Variants in NAV2 observed in about 807,000 individuals in gnomAD.
The protein encoded by NAV2 is helicase, APC down-regulated 1.
In NAV2, 54 loss-of-function variants were observed where a neutral mutation model predicts 223.2. That is an observed-to-expected ratio of 0.24 (90% CI 0.19 to 0.30). The LOEUF is 0.30. NAV2 is among the 10% of genes least tolerant of loss of function. The pLI, the probability that NAV2 is intolerant of heterozygous loss-of-function variation, is 1.00. For missense variants in NAV2, 2,806 were observed against 3,147.5 expected, an observed-to-expected ratio of 0.89 and a Z score of 2.60; for synonymous variants, 1,279 against 1,239.3, an observed-to-expected ratio of 1.03 and a Z score of -0.67.
intron 1 of NAV2, among the ~76,000 whole-genome samples, chr11:19,830,900 A>G (rs923994518): frequency 2.6e-5 from 4 of 152,064 alleles, no homozygotes; most frequent in Non-Finnish European, 5.9e-5. Context: ...GCTTTACTGG[A>G]TCGTTGGTCT....
intron 4 of NAV2, among the ~76,000 whole-genome samples, chr11:19,873,937 CCA>C (rs1192585480): frequency 6.6e-6 from 1 of 152,126 alleles, no homozygotes; most frequent in African/African-American, 2.4e-5. Context: ...GCTGCAGAAT[CCA>C]CAGTCCTTAA....
At chr11:19,956,821 GCCTTACTGTCT>G (rs995170269) in intron 10 of NAV2, among the ~76,000 whole-genome samples, 5 of 151,950 alleles carry the variant, frequency 3.3e-5, no homozygotes, top group African/African-American at 1.2e-4. Flanking sequence ...CTCCATCCCC[GCCTTACTGTCT>G]CCTTACTGTC....
intron 1 of NAV2, among the ~76,000 whole-genome samples, chr11:19,357,628 C>T (rs951697484): frequency 1.3e-5 from 2 of 152,298 alleles, no homozygotes; most frequent in East Asian, 1.9e-4. Context: ...GCTGCTGCTA[C>T]TGCATTTGAG....
chr11:19,577,757 TGAG>T (rs2045609595), intron 1 of NAV2, among the ~76,000 whole-genome samples: 1 of 152,056 alleles, frequency 6.6e-6, no homozygotes, highest in Non-Finnish European at 1.5e-5. Context: ...AGGGAAGAAT[TGAG>T]GAGCCATGGA....
intron 1 of NAV2, among the ~76,000 whole-genome samples, chr11:19,680,094 G>A (rs1018467093): frequency 5.9e-5 from 9 of 152,212 alleles, no homozygotes; most frequent in African/African-American, 1.7e-4. Flanking sequence ...GATTGGAAAA[G>A]AGGAGGGCTC....
chr11:19,980,189 G>A (rs557259068), intron 10 of NAV2, among the ~76,000 whole-genome samples: 7 of 152,198 alleles, frequency 4.6e-5, no homozygotes, highest in African/African-American at 9.6e-5. Context: ...CCCTTTAGCA[G>A]AGGCTCTGAC....
chr11:19,996,913 G>A (rs1435675599), intron 11 of NAV2, among the ~76,000 whole-genome samples: 11 of 152,158 alleles, frequency 7.2e-5, no homozygotes, highest in Admixed American at 6.5e-4. Context: ...GAAATGAGGT[G>A]GCTGCATGGC....
chr11:19,760,620 C>T (rs1462074481), intron 1 of NAV2, among the ~76,000 whole-genome samples: 2 of 152,128 alleles, frequency 1.3e-5, no homozygotes, highest in Admixed American at 1.3e-4. Flanking sequence ...AATGGAGTCC[C>T]TATCTTCATG....
At chr11:19,653,757 A>G (rs1590041394) in intron 1 of NAV2, among the ~76,000 whole-genome samples, 1 of 152,316 alleles carries the variant, frequency 6.6e-6, no homozygotes, top group African/African-American at 2.4e-5. Context: ...TGCTATACCC[A>G]TTTTGCAGAC....
At chr11:19,492,665 A>G (rs553065272) in intron 1 of NAV2, among the ~76,000 whole-genome samples, 1 of 152,304 alleles carries the variant, frequency 6.6e-6, no homozygotes, top group African/African-American at 2.4e-5. Flanking sequence ...TGCTATTTTG[A>G]CTTCCTCTGT....
At chr11:19,757,527 C>G (rs2152524554) in intron 1 of NAV2, among the ~76,000 whole-genome samples, 1 of 152,290 alleles carries the variant, frequency 6.6e-6, no homozygotes, top group Middle Eastern at 3.4e-3. Context: ...GTTGCTTGAC[C>G]TCTCTGAACA....
At chr11:19,706,418 C>T (rs1327881433) in intron 1 of NAV2, among the ~76,000 whole-genome samples, 2 of 152,192 alleles carry the variant, frequency 1.3e-5, no homozygotes, top group African/African-American at 4.8e-5. Context: ...AATTAATCAA[C>T]ATACCTGATA....
chr11:19,623,699 G>C (rs1054486027), intron 1 of NAV2, among the ~76,000 whole-genome samples: 2 of 152,154 alleles, frequency 1.3e-5, no homozygotes. Context: ...GCTTCTTTGC[G>C]ATGGGTTCGA....
At chr11:20,083,703 G>A (rs1054191576) in intron 26 of NAV2, among the ~76,000 whole-genome samples, 1 of 152,172 alleles carries the variant, frequency 6.6e-6, no homozygotes, top group African/African-American at 2.4e-5. Context: ...GCCAGGGTCA[G>A]GACAGCCACT....
chr11:19,731,181 A>G (rs1416434728), intron 1 of NAV2, among the ~76,000 whole-genome samples: 1 of 152,160 alleles, frequency 6.6e-6, no homozygotes. Flanking sequence ...GATAGGGAGA[A>G]GGAGGCCTCT....
At chr11:19,675,047 A>G (rs756058710) in intron 1 of NAV2, among the ~76,000 whole-genome samples, 6 of 152,050 alleles carry the variant, frequency 3.9e-5, no homozygotes, top group Non-Finnish European at 8.8e-5. Context: ...ACCTCCAGAG[A>G]CCTCATGGCC....
intron 1 of NAV2, among the ~76,000 whole-genome samples, chr11:19,366,539 G>T (rs542539956): frequency 1.3e-5 from 2 of 152,302 alleles, no homozygotes; most frequent in East Asian, 3.9e-4. Flanking sequence ...AGATCCCTAG[G>T]ATGGATCTGC....
intron 1 of NAV2, among the ~76,000 whole-genome samples, chr11:19,611,380 G>A (rs764825804): frequency 1.3e-5 from 2 of 151,916 alleles, no homozygotes; most frequent in South Asian, 2.1e-4. Context: ...ATTCCTTCCC[G>A]ACAGTCCCCC....
chr11:19,465,425 TATC>T lies in NAV2; in HGVS notation c.75+114402_75+114404del, dbSNP rs372472242. The stretch of plus-strand genomic sequence containing the variant: ...TAGCTTCTTTGTATTAAATAACCAT[TATC>T]ATCCCAACAGATTTTAATTATTTTA... On this transcript the variant is annotated intron_variant, in intron 1 of 37. Transcript: ENST00000360655. Among the ~76,000 whole-genome samples, 1,070 of 152,344 alleles carry T rather than the reference TATC, an allele frequency of 7.0e-3. 13 individuals are homozygous for T. Among genetic ancestry groups the T allele is most frequent in the African/African-American group, 0.025 (1,023 of 41,572 alleles).
Sources: allele counts gnomAD v4.1 joint callset (sites outside exome capture counted in the v4.1 genomes callset), GRCh38; gene constraint gnomAD v4.1.1; transcripts MANE v1.5; gene names NCBI Gene and HGNC (gene_info 2026-07-23, HGNC 2026-07-21).